Variants in SYT14 observed in about 807,000 individuals in gnomAD.
The protein encoded by SYT14 is synaptotagmin 14, also known as synaptotagmin-14.
Under a neutral mutation model 74.2 loss-of-function variants are expected in SYT14, and 32 were observed. That is an observed-to-expected ratio of 0.43 (90% confidence interval 0.33 to 0.58). SYT14 has a LOEUF of 0.58. Ranked by LOEUF, SYT14 falls within the 20% of genes least tolerant of loss-of-function variation. The pLI is 0.05. For synonymous variants in SYT14, 298 were observed against 337.7 expected, an observed-to-expected ratio of 0.88 and a Z score of 1.29; for missense variants, 791 against 981.8, an observed-to-expected ratio of 0.81 and a Z score of 2.60.
chr1:210,062,987 A>G, intron 5 of SYT14, among the ~76,000 whole-genome samples: 2 of 148,198 alleles, frequency 1.3e-5, no homozygotes, highest in Non-Finnish European at 3.0e-5. Flanking sequence ...AATATTAAGA[A>G]TATTAGCCTT....
intron 2 of SYT14, among the ~76,000 whole-genome samples, chr1:209,958,427 A>AG (rs1374764207): frequency 6.6e-6 from 1 of 152,118 alleles, no homozygotes; most frequent in East Asian, 1.9e-4. Context: ...TAAAAACAAA[A>AG]AGCCTTTTTG....
At chr1:210,088,213 ATTATAC>A (rs1042097341) in intron 5 of SYT14, among the ~76,000 whole-genome samples, 19 of 137,214 alleles carry the variant, frequency 1.4e-4, no homozygotes, top group Non-Finnish European at 2.2e-4. Flanking sequence ...TTTTTTTTTA[ATTATAC>A]TTTAAGTTCT....
intron 5 of SYT14, among the ~76,000 whole-genome samples, chr1:210,092,638 C>T (rs1192139113): frequency 1.3e-5 from 2 of 152,160 alleles, no homozygotes; most frequent in Non-Finnish European, 2.9e-5. Context: ...CTATGACTTG[C>T]AACATGTCTA....
At chr1:209,947,200 C>G (rs1262008323) in intron 1 of SYT14, among the ~76,000 whole-genome samples, 1 of 152,130 alleles carries the variant, frequency 6.6e-6, no homozygotes, top group Non-Finnish European at 1.5e-5. Flanking sequence ...TATTCTGCAG[C>G]TCATGGATCA....
rs759630641 is a variant in SYT14 at position 210,099,996 on chromosome 1, A to T, written c.1585-16A>T. 7 of 1,611,142 alleles carry T rather than the reference A, an allele frequency of 4.3e-6. No individual in the cohort carries two copies. Among genetic ancestry groups the T allele is most frequent in the Non-Finnish European group, 5.9e-6 (7 of 1,178,188 alleles). ...ATTGAGTTAAAAACTCTAACATTTA[A>T]ATTTTCTTTTCTTAGGATATGTCAG... is the stretch of plus-strand genomic sequence containing the variant. On this transcript the variant is annotated splice_polypyrimidine_tract_variant and intron_variant, in intron 6 of 9. Coordinates refer to ENST00000637265, the Ensembl canonical transcript of SYT14.
chr1:210,119,236 T>A (rs1245383199), intron 7 of SYT14, among the ~76,000 whole-genome samples: 1 of 152,190 alleles, frequency 6.6e-6, no homozygotes, highest in Non-Finnish European at 1.5e-5. Flanking sequence ...GTGGACAGGA[T>A]TTAATGCTAC....
chr1:209,987,613 A>G lies in SYT14; in HGVS notation c.-485-26020A>G, dbSNP rs114941866. 7.3e-3 allele frequency among the ~76,000 whole-genome samples: 1,118 copies of G among 152,350 alleles called. 17 individuals are homozygous for G. The highest frequency in any genetic ancestry group is 0.026 in the African/African-American group (1,069 of 41,574). ...CTAGGTCTCACCTCCAACACTGGTA[A>G]TTACATTTCAATATGAGATTTGGGT... On this transcript the variant is annotated intron_variant, in intron 2 of 9. Coordinates refer to ENST00000637265, the Ensembl canonical transcript of SYT14.
intron 2 of SYT14, among the ~76,000 whole-genome samples, chr1:209,959,250 C>G (rs1288977642): frequency 1.3e-5 from 2 of 152,100 alleles, no homozygotes; most frequent in African/African-American, 4.8e-5. Flanking sequence ...TCAAGTGATT[C>G]TCATGCCTCA....
chr1:210,105,849 C>T (rs1375904425), intron 7 of SYT14, among the ~76,000 whole-genome samples: 2 of 152,128 alleles, frequency 1.3e-5, no homozygotes, highest in African/African-American at 2.4e-5. Flanking sequence ...GCATCTCCCC[C>T]TCTCCCTCTC....
At chr1:209,941,545 C>T (rs2078730323) in intron 1 of SYT14, among the ~76,000 whole-genome samples, 1 of 152,138 alleles carries the variant, frequency 6.6e-6, no homozygotes, top group Non-Finnish European at 1.5e-5. Flanking sequence ...GAAATTTCCT[C>T]CTCTCTTGAT....
intron 5 of SYT14, among the ~76,000 whole-genome samples, chr1:210,021,897 T>C (rs1011143742): frequency 6.6e-6 from 1 of 152,220 alleles, no homozygotes; most frequent in African/African-American, 2.4e-5. Flanking sequence ...GAACTCAACC[T>C]ATATAGAAGA....
intron 5 of SYT14, among the ~76,000 whole-genome samples, chr1:210,025,782 G>A (rs546594804): frequency 8.5e-5 from 13 of 152,166 alleles, no homozygotes; most frequent in African/African-American, 2.9e-4. Context: ...CATGTATTGT[G>A]GTAGGTAAGA....
intron 7 of SYT14, among the ~76,000 whole-genome samples, chr1:210,147,526 A>T (rs1251279818): frequency 6.6e-6 from 1 of 152,238 alleles, no homozygotes; most frequent in Non-Finnish European, 1.5e-5. Context: ...TTTGACCAAC[A>T]GCAGACTTCT....
chr1:210,079,917 A>T (rs1265842288), intron 5 of SYT14, among the ~76,000 whole-genome samples: 3 of 152,210 alleles, frequency 2.0e-5, no homozygotes, highest in Non-Finnish European at 4.4e-5. Context: ...TTTAATAGGG[A>T]ATTATTTATC....
At chr1:210,091,907 C>G (rs999779606) in intron 5 of SYT14, among the ~76,000 whole-genome samples, 2 of 152,100 alleles carry the variant, frequency 1.3e-5, no homozygotes, top group Non-Finnish European at 2.9e-5. Context: ...AGGCAATATG[C>G]TCAAGACTTC....
At chr1:209,981,022 A>G (rs2079474399) in intron 2 of SYT14, among the ~76,000 whole-genome samples, 1 of 152,214 alleles carries the variant, frequency 6.6e-6, no homozygotes, top group Non-Finnish European at 1.5e-5. Context: ...CATTCAACCT[A>G]TAAATTACTT....
rs1373125974 is a variant in SYT14 at position 210,045,980 on chromosome 1, CAAAGA to C, written c.1312+24730_1312+24734del. On this transcript the variant is annotated intron_variant, in intron 5 of 9. Transcript: ENST00000637265. Reference sequence around the variant, plus strand: ...ATTTGATATTATAAATCACATAATACAAAGAAAATTACTTTATCTTAATAATTGCT... The same window carrying C: ...ATTTGATATTATAAATCACATAATACAAATTACTTTATCTTAATAATTGCT... Among the ~76,000 whole-genome samples the C allele has an allele frequency of 2.6e-5, 4 of 152,140 alleles. No individual in the cohort carries two copies. The East Asian group carries it at 7.7e-4, about 29-fold the overall frequency.
chr1:210,003,169 CATG>C (rs2079932094), intron 2 of SYT14, among the ~76,000 whole-genome samples: 1 of 152,186 alleles, frequency 6.6e-6, no homozygotes, highest in Non-Finnish European at 1.5e-5. Flanking sequence ...GCATTCAAAA[CATG>C]ATCCCTCACT....
exon 10 of SYT14, chr1:210,162,447 A>G (rs982275939): frequency 1.9e-5 from 7 of 366,282 alleles, no homozygotes; most frequent in Admixed American, 1.2e-4. Flanking sequence ...CAGGAATATT[A>G]TAAGCTGTTT....
Sources: gnomAD v4.1 joint callset for allele counts (sites outside exome capture counted in the v4.1 genomes callset) on GRCh38, gnomAD v4.1.1 for gene constraint, MANE v1.5 for transcripts, NCBI Gene and HGNC (gene_info 2026-07-23, HGNC 2026-07-21) for gene names.